PRKCE: variants seen among roughly 807,000 people sequenced by gnomAD.
PRKCE encodes the protein protein kinase C epsilon.
Under a neutral mutation model 85.4 loss-of-function variants are expected in PRKCE, and 16 were observed. The observed-to-expected ratio is 0.19, with a 90% CI of 0.13 to 0.28. The LOEUF is 0.28. Ranked by LOEUF, PRKCE falls within the 10% of genes least tolerant of loss-of-function variation. The pLI, the probability that PRKCE is intolerant of heterozygous loss-of-function variation, is 1.00. For missense variants in PRKCE, 573 were observed against 975.2 expected (o/e 0.59, Z 5.49); for synonymous variants, 388 against 371.5 (o/e 1.04, Z -0.51).
At chr2:45,723,368 C>A (rs1005193629) in intron 1 of PRKCE, among the ~76,000 whole-genome samples, 1 of 152,100 alleles carries the variant, frequency 6.6e-6, no homozygotes, top group Non-Finnish European at 1.5e-5. Flanking sequence ...CTGTAATAAG[C>A]CTCAGGAGGC....
Position 46,086,240 on chromosome 2 carries a change from T to C in PRKCE, c.1470T>C (p.Asn490=), listed in dbSNP as rs779580019. Residue 490 remains asparagine, a synonymous_variant, in exon 11 of 15, where the codon AAT becomes AAC. Coordinates refer to ENST00000306156, the MANE Select transcript of PRKCE (RefSeq NM_005400.3). ...DRLFFVMEYV[N]GGDLMFQIQR... is the part of the protein sequence containing the mutation. ...TCTTTTTCGTCATGGAATATGTAAA[T>C]GGTGGAGACCTCATGTTTCAGATTC... The C allele has an allele frequency of 1.6e-5, 26 of 1,599,580 alleles. No individual in the cohort carries two copies. The highest frequency in any genetic ancestry group is 2.2e-5 in the South Asian group (2 of 91,082).
chr2:45,948,453 AACAC>A (rs1700387360), intron 2 of PRKCE, among the ~76,000 whole-genome samples: 1 of 152,114 alleles, frequency 6.6e-6, no homozygotes, highest in Admixed American at 6.5e-5. Flanking sequence ...CAGCCTGGGC[AACAC>A]ACTGAGACCC....
At chr2:45,840,836 C>T (rs919424039) in intron 1 of PRKCE, among the ~76,000 whole-genome samples, 1 of 152,132 alleles carries the variant, frequency 6.6e-6, no homozygotes, top group African/African-American at 2.4e-5. Flanking sequence ...TCCAGCTGGT[C>T]GCTTTGTCTC....
intron 10 of PRKCE, among the ~76,000 whole-genome samples, chr2:46,071,827 A>G (rs529024689): frequency 1.5e-4 from 23 of 152,226 alleles, no homozygotes; most frequent in African/African-American, 4.6e-4. Flanking sequence ...TACTTGGTCT[A>G]ACCACCTTTC....
At chr2:46,084,451 C>T (rs1044460594) in intron 10 of PRKCE, among the ~76,000 whole-genome samples, 4 of 152,136 alleles carry the variant, frequency 2.6e-5, no homozygotes, top group East Asian at 1.9e-4. Context: ...GAGCCGGGCA[C>T]GGTGGCTCAT....
At chr2:45,756,751 A>G (rs150949539) in intron 1 of PRKCE, among the ~76,000 whole-genome samples, 313 of 152,352 alleles carry the variant, frequency 2.1e-3, no homozygotes, top group African/African-American at 7.3e-3. Flanking sequence ...TTCATATAAC[A>G]TTTTGGAAAA....
chr2:45,978,144 A>G (rs1325752962), intron 3 of PRKCE: 1 of 152,298 alleles, frequency 6.6e-6, no homozygotes, highest in African/African-American at 2.4e-5. Context: ...ACTTCCAATT[A>G]CCAGGGCAGA....
intron 10 of PRKCE, among the ~76,000 whole-genome samples, chr2:46,056,869 TCTGA>T (rs1666629920): frequency 6.6e-6 from 1 of 152,220 alleles, no homozygotes; most frequent in African/African-American, 2.4e-5. Flanking sequence ...GCACTTCTGC[TCTGA>T]CTGATAGGGG....
At chr2:45,887,250 C>G (rs1046570459) in intron 2 of PRKCE, among the ~76,000 whole-genome samples, 1 of 152,120 alleles carries the variant, frequency 6.6e-6, no homozygotes, top group Non-Finnish European at 1.5e-5. Flanking sequence ...CACAGTCAAC[C>G]GTGCAGAAGG....
chr2:45,753,972 T>C (rs1533476), intron 1 of PRKCE, among the ~76,000 whole-genome samples: 93,595 of 152,144 alleles, frequency 0.62, 29,170 homozygotes, highest in African/African-American at 0.7. Flanking sequence ...ATTCAGATTT[T>C]CCCAGTTGCT....
At chr2:45,979,798 A>G (rs1203537902) in intron 4 of PRKCE, among the ~76,000 whole-genome samples, 1 of 152,176 alleles carries the variant, frequency 6.6e-6, no homozygotes, top group African/African-American at 2.4e-5. Flanking sequence ...CACTTGTGGA[A>G]GTATTAAAGT....
intron 1 of PRKCE, among the ~76,000 whole-genome samples, chr2:45,738,575 A>G (rs1208500186): frequency 6.6e-6 from 1 of 152,146 alleles, no homozygotes; most frequent in Non-Finnish European, 1.5e-5. Flanking sequence ...ATATCTTGTC[A>G]TTCTTTATAT....
Position 45,703,027 on chromosome 2 carries a change from C to CCG in PRKCE, c.348+50580_348+50581insGC, listed in dbSNP as rs1553382516. On this transcript the variant is annotated intron_variant, in intron 1 of 14. Transcript: ENST00000306156. ...TTCTTGAGAAAGCCTTTTTTCCCCC[C>CCG]CCGTCAGGAAGTCAGTCCTTATTCC... 2.6e-5 allele frequency among the ~76,000 whole-genome samples: 4 copies of CCG among 151,806 alleles called. No homozygotes were observed. In the East Asian group the frequency reaches 5.8e-4, roughly 22 times the overall value.
chr2:46,026,570 G>A (rs1026719134), intron 10 of PRKCE, among the ~76,000 whole-genome samples: 6 of 152,212 alleles, frequency 3.9e-5, no homozygotes, highest in African/African-American at 1.2e-4. Flanking sequence ...ACTGGCCACA[G>A]CTTTCCTAAA....
intron 1 of PRKCE, among the ~76,000 whole-genome samples, chr2:45,725,524 C>T (rs183454114): frequency 2.6e-5 from 4 of 152,026 alleles, no homozygotes; most frequent in Admixed American, 2.6e-4. Context: ...CAATTGAAAA[C>T]CTTCTGGAAA....
intron 1 of PRKCE, among the ~76,000 whole-genome samples, chr2:45,732,933 A>G (rs2104566140): frequency 6.6e-6 from 1 of 152,314 alleles, no homozygotes; most frequent in Admixed American, 6.5e-5. Flanking sequence ...TCAAGGGTCG[A>G]CGACTTTCTT....
At chr2:45,977,163 C>A (rs2104538222) in intron 3 of PRKCE, among the ~76,000 whole-genome samples, 1 of 152,164 alleles carries the variant, frequency 6.6e-6, no homozygotes, top group Admixed American at 6.5e-5. Context: ...CCCCAAAGTG[C>A]TGGGATTATA....
chr2:45,991,301 C>T (rs971067884), intron 6 of PRKCE, among the ~76,000 whole-genome samples: 1 of 152,218 alleles, frequency 6.6e-6, no homozygotes, highest in Non-Finnish European at 1.5e-5. Flanking sequence ...GCCACCACGC[C>T]AGACCTTATA....
chr2:45,958,211 AAAG>A (rs1354666390), intron 2 of PRKCE, among the ~76,000 whole-genome samples: 4,011 of 146,578 alleles, frequency 0.027, 69 homozygotes, highest in Non-Finnish European at 0.041. Context: ...AAAAAAAAAA[AAAG>A]AAAAAGAAAA....
Sources: gnomAD v4.1 joint callset for allele counts (sites outside exome capture counted in the v4.1 genomes callset) on GRCh38, gnomAD v4.1.1 for gene constraint, MANE v1.5 for transcripts, NCBI Gene and HGNC (gene_info 2026-07-23, HGNC 2026-07-21) for gene names.